MYO5B: variants seen among roughly 807,000 people sequenced by gnomAD.
The protein encoded by MYO5B is myosin VB.
A neutral mutation model predicts 229.3 loss-of-function variants in MYO5B; 143 were observed. The observed-to-expected ratio is 0.62, with a 90% CI of 0.54 to 0.72. The LOEUF (loss-of-function observed/expected upper bound fraction) is 0.72, where lower values mean the gene tolerates loss of function less well. Among genes scored for constraint, MYO5B ranks in the 30% least tolerant of loss-of-function variants. MYO5B has a pLI of 0.00. For missense variants in MYO5B, 2,321 were observed against 2,331.0 expected, an observed-to-expected ratio of 1.00 and a Z score of 0.09; for synonymous variants, 918 against 885.2, an observed-to-expected ratio of 1.04 and a Z score of -0.66.
intron 8 of MYO5B, among the ~76,000 whole-genome samples, chr18:49,984,145 G>A (rs2025845371): frequency 6.6e-6 from 1 of 152,200 alleles, no homozygotes; most frequent in African/African-American, 2.4e-5. Context: ...TGGCAGGGAA[G>A]CAGGGCAATT....
intron 14 of MYO5B, among the ~76,000 whole-genome samples, chr18:49,943,514 A>C (rs184825737): frequency 6.6e-6 from 1 of 152,200 alleles, no homozygotes; most frequent in African/African-American, 2.4e-5. Flanking sequence ...TAAAAAACCG[A>C]TATTTGTATT....
At chr18:50,048,675 C>T (rs543138943) in intron 2 of MYO5B, among the ~76,000 whole-genome samples, 32 of 152,250 alleles carry the variant, frequency 2.1e-4, no homozygotes, top group South Asian at 1.5e-3. Flanking sequence ...CCACCCTAAG[C>T]GTTCCTGCTC....
intron 1 of MYO5B, among the ~76,000 whole-genome samples, chr18:50,110,850 G>C (rs923094445): frequency 6.6e-6 from 1 of 152,084 alleles, no homozygotes; most frequent in Non-Finnish European, 1.5e-5. Flanking sequence ...ATAAAAATTA[G>C]ATAAAGGAGA....
At chr18:49,905,298 C>T (rs1352098101) in intron 19 of MYO5B, among the ~76,000 whole-genome samples, 2 of 152,196 alleles carry the variant, frequency 1.3e-5, no homozygotes, top group Non-Finnish European at 2.9e-5. Flanking sequence ...ACTAAACCTT[C>T]TCAGGCCCAG....
chr18:49,971,113 A>T (rs1038183064), intron 10 of MYO5B, among the ~76,000 whole-genome samples: 6 of 152,216 alleles, frequency 3.9e-5, no homozygotes, highest in Admixed American at 3.9e-4. Flanking sequence ...CAGGGATATG[A>T]ATAGAAAACT....
intron 10 of MYO5B, among the ~76,000 whole-genome samples, chr18:49,968,120 G>A (rs1418507372): frequency 6.6e-6 from 1 of 152,112 alleles, no homozygotes; most frequent in African/African-American, 2.4e-5. Flanking sequence ...GAGCTACTGG[G>A]CAGATGACAG....
chr18:50,023,734 C>T (rs1244581440), intron 4 of MYO5B, among the ~76,000 whole-genome samples: 2 of 152,168 alleles, frequency 1.3e-5, no homozygotes, highest in African/African-American at 2.4e-5. Flanking sequence ...AGAAAAGAGG[C>T]AGGCCCTGGG....
At chr18:50,155,066 A>G (rs557861239) in intron 1 of MYO5B, among the ~76,000 whole-genome samples, 1 of 152,364 alleles carries the variant, frequency 6.6e-6, no homozygotes. Context: ...CAAATTTGAA[A>G]AATAGCTGTT....
intron 10 of MYO5B, among the ~76,000 whole-genome samples, chr18:49,969,235 G>A (rs375345317): frequency 2.6e-5 from 4 of 152,290 alleles, no homozygotes; most frequent in African/African-American, 4.8e-5. Flanking sequence ...GAAACCTTTC[G>A]ATACTGGCTA....
At chr18:49,970,555 G>A (rs1213728750) in intron 10 of MYO5B, among the ~76,000 whole-genome samples, 1 of 152,206 alleles carries the variant, frequency 6.6e-6, no homozygotes, top group African/African-American at 2.4e-5. Flanking sequence ...CGATGCTGGC[G>A]TGTGTACTGC....
intron 1 of MYO5B, among the ~76,000 whole-genome samples, chr18:50,173,862 T>G (rs972818674): frequency 4.6e-5 from 7 of 152,132 alleles, no homozygotes; most frequent in African/African-American, 1.7e-4. Flanking sequence ...CTGTAATGGG[T>G]CAGCATGATG....
chr18:49,919,449 T>C (rs1032113700), intron 17 of MYO5B, among the ~76,000 whole-genome samples: 1 of 152,184 alleles, frequency 6.6e-6, no homozygotes. Flanking sequence ...TCTTAATATA[T>C]AAAGAACTCC....
At chr18:49,830,219 A>C (rs554464050) in intron 39 of MYO5B, among the ~76,000 whole-genome samples, 4 of 152,230 alleles carry the variant, frequency 2.6e-5, no homozygotes, top group South Asian at 2.1e-4. Context: ...ATAAAAAAAA[A>C]CACATAAAAA....
intron 25 of MYO5B, among the ~76,000 whole-genome samples, chr18:49,877,137 A>ACG (rs1314604961): frequency 3.3e-5 from 5 of 152,152 alleles, no homozygotes; most frequent in African/African-American, 1.2e-4. Context: ...GCGCGCACAC[A>ACG]CACGCGCGCA....
At chr18:49,987,395 G>A (rs2025882096) in intron 7 of MYO5B, among the ~76,000 whole-genome samples, 1 of 152,126 alleles carries the variant, frequency 6.6e-6, no homozygotes, top group African/African-American at 2.4e-5. Context: ...CCACCTGCTT[G>A]GCTTTCCTGG....
rs1598943395 is a variant in MYO5B at position 50,001,308 on chromosome 18, C to T, written c.559G>A (p.Ala187Thr). The T allele has an allele frequency of 6.2e-7, 1 of 1,614,184 alleles. No individual in the cohort carries two copies. Among genetic ancestry groups the T allele is most frequent in the East Asian group, 2.2e-5 (1 of 44,876 alleles). ...MRYFATVGGS[A>T]SETNIEEKVL... ...TTCTCTTCGATGTTGGTTTCACTGG[C>T]CGAGCCACCAACGGTGGCGAAATAG... The change falls in exon 5 of 40, where the codon GCC (alanine) becomes ACC (threonine). Residue 187 changes from alanine to threonine, a missense_variant. Ala to Thr is a moderately conservative substitution (Grantham distance 58). Around this residue, in one of 2 missense-constraint regions of MYO5B, gnomAD observed 2,113 missense variants for 2,044.7 expected, o/e 1.03. Transcript: ENST00000285039.
intron 4 of MYO5B, among the ~76,000 whole-genome samples, chr18:50,024,008 G>T (rs968763621): frequency 1.3e-5 from 2 of 152,162 alleles, no homozygotes; most frequent in Non-Finnish European, 1.5e-5. Flanking sequence ...ATATAAGGAA[G>T]TAAAATGGAC....
chr18:50,032,943 C>T (rs764599352), intron 4 of MYO5B, among the ~76,000 whole-genome samples: 7 of 151,770 alleles, frequency 4.6e-5, no homozygotes, highest in Admixed American at 6.6e-5. Context: ...GCCAAGATTG[C>T]ACCATTGCAC....
chr18:49,922,622 A>G (rs2025086673), intron 17 of MYO5B, among the ~76,000 whole-genome samples: 1 of 152,124 alleles, frequency 6.6e-6, no homozygotes. Context: ...TTGACCCTTT[A>G]GCAAAACTTG....
Sources: gnomAD v4.1 joint callset for allele counts (sites outside exome capture counted in the v4.1 genomes callset) on GRCh38, gnomAD v4.1.1 for gene constraint, gnomAD v4.1.1 regional missense constraint, MANE v1.5 for transcripts, NCBI Gene and HGNC (gene_info 2026-07-23, HGNC 2026-07-21) for gene names.